Variants in SPATS2 observed in about 807,000 individuals in gnomAD.
The protein encoded by SPATS2 is spermatogenesis-associated serine-rich protein 2.
In SPATS2, 38 loss-of-function variants were observed where a neutral mutation model predicts 63.7. The ratio of observed to expected loss-of-function variants is 0.60; its 90% confidence interval spans 0.46 to 0.78. SPATS2 has a LOEUF of 0.78. Ranked by LOEUF, SPATS2 falls within the 30% of genes least tolerant of loss-of-function variation. The pLI is 0.00. For missense variants in SPATS2, 588 were observed against 666.2 expected (o/e 0.88, Z 1.29); for synonymous variants, 207 against 232.9 (o/e 0.89, Z 1.01).
chr12:49,424,277 T>C (rs1306748637), intron 2 of SPATS2, among the ~76,000 whole-genome samples: 1 of 152,148 alleles, frequency 6.6e-6, no homozygotes, highest in Non-Finnish European at 1.5e-5. Flanking sequence ...CTCAGACCTT[T>C]GTTCCTCAGC....
chr12:49,522,930 C>CTGATTCCTCA (rs1408260799), intron 12 of SPATS2, 77 bp downstream of exon 12: 16 of 1,241,356 alleles, frequency 1.3e-5, no homozygotes, highest in Non-Finnish European at 1.8e-5. Context: ...GTCTTCACCA[C>CTGATTCCTCA]TGATTCCTCA....
chr12:49,475,163 A>G (rs1032428247), intron 3 of SPATS2, among the ~76,000 whole-genome samples: 1 of 152,214 alleles, frequency 6.6e-6, no homozygotes, highest in African/African-American at 2.4e-5. Flanking sequence ...TTTACTTGCA[A>G]GAACATAAGA....
At chr12:49,412,315 C>G (rs1944811321) in intron 2 of SPATS2, among the ~76,000 whole-genome samples, 4 of 151,950 alleles carry the variant, frequency 2.6e-5, no homozygotes, top group Admixed American at 2.0e-4. Flanking sequence ...CTGCCTCAGC[C>G]TCCCGAGTAG....
At chr12:49,525,846 G>C (rs776277666) in intron 13 of SPATS2, 98 bp from the exon 14 acceptor site, 7 of 1,335,242 alleles carry the variant, frequency 5.2e-6, no homozygotes, top group African/African-American at 1.5e-5. Context: ...CCCAAGCATG[G>C]GATACCACAA....
At chr12:49,498,277 C>T (rs1334112578) in intron 8 of SPATS2, among the ~76,000 whole-genome samples, 1 of 151,332 alleles carries the variant, frequency 6.6e-6, no homozygotes, top group African/African-American at 2.4e-5. Flanking sequence ...GGCATAGTTA[C>T]AAACTTTTTA....
At chr12:49,482,153 A>G (rs1412926171) in intron 3 of SPATS2, among the ~76,000 whole-genome samples, 2 of 152,346 alleles carry the variant, frequency 1.3e-5, no homozygotes, top group Middle Eastern at 6.8e-3. Flanking sequence ...AAGATGTTAG[A>G]TTATTGCTTT....
intron 10 of SPATS2, among the ~76,000 whole-genome samples, chr12:49,518,322 C>G (rs528040301): frequency 2.7e-4 from 41 of 152,284 alleles, no homozygotes; most frequent in Non-Finnish European, 4.3e-4. Context: ...GCCCCTGTCT[C>G]TCTGGGAGAT....
intron 4 of SPATS2, among the ~76,000 whole-genome samples, chr12:49,485,520 C>T (rs1365075744): frequency 6.6e-6 from 1 of 151,772 alleles, no homozygotes; most frequent in African/African-American, 2.4e-5. Context: ...CATCATCACG[C>T]CCAGCTAATT....
chr12:49,379,899 A>G (rs1248882962), intron 2 of SPATS2, among the ~76,000 whole-genome samples: 1 of 152,114 alleles, frequency 6.6e-6, no homozygotes, highest in Non-Finnish European at 1.5e-5. Context: ...CTGGGATTAC[A>G]GGCATGAGCC....
At chr12:49,377,685 TA>T (rs1944132657) in intron 2 of SPATS2, among the ~76,000 whole-genome samples, 1 of 152,212 alleles carries the variant, frequency 6.6e-6, no homozygotes. Flanking sequence ...AGTATAGTTA[TA>T]ATATTTCTAT....
At chr12:49,414,902 G>A (rs560113248) in intron 2 of SPATS2, among the ~76,000 whole-genome samples, 2 of 151,040 alleles carry the variant, frequency 1.3e-5, no homozygotes, top group Non-Finnish European at 3.0e-5. Context: ...CCTAGCCCAG[G>A]GAGCATTTCT....
At chr12:49,442,988 G>A (rs1286753468) in intron 2 of SPATS2, among the ~76,000 whole-genome samples, 2 of 151,968 alleles carry the variant, frequency 1.3e-5, no homozygotes, top group East Asian at 3.9e-4. Flanking sequence ...TCTCACATAA[G>A]TGGAATCCTT....
intron 2 of SPATS2, among the ~76,000 whole-genome samples, chr12:49,447,702 A>G (rs1281815946): frequency 3.3e-5 from 5 of 152,146 alleles, no homozygotes; most frequent in Non-Finnish European, 7.4e-5. Flanking sequence ...CAATCTTAGT[A>G]ATGTAAGTTT....
At chr12:49,444,180 G>A (rs530204002) in intron 2 of SPATS2, among the ~76,000 whole-genome samples, 16 of 149,810 alleles carry the variant, frequency 1.1e-4, no homozygotes, top group Non-Finnish European at 1.9e-4. Context: ...TTGTACATCT[G>A]TTATTTTTAT....
intron 2 of SPATS2, among the ~76,000 whole-genome samples, chr12:49,415,906 A>G (rs1944880935): frequency 6.6e-6 from 1 of 152,168 alleles, no homozygotes; most frequent in African/African-American, 2.4e-5. Flanking sequence ...TCTTTACGAC[A>G]GCCTCCTTGA....
intron 11 of SPATS2, among the ~76,000 whole-genome samples, chr12:49,521,568 C>T (rs927691897): frequency 6.6e-6 from 1 of 152,134 alleles, no homozygotes; most frequent in Non-Finnish European, 1.5e-5. Context: ...TCATCTGTTC[C>T]TCTTCCCACG....
chr12:49,434,098 GA>G (rs1945232358), intron 2 of SPATS2, among the ~76,000 whole-genome samples: 1 of 151,990 alleles, frequency 6.6e-6, no homozygotes, highest in African/African-American at 2.4e-5. Flanking sequence ...TATATGTGAG[GA>G]TTTATTTCTG....
At chr12:49,518,993 T>C in intron 10 of SPATS2, 80 bp from the exon 11 acceptor site, 1 of 1,135,596 alleles carries the variant, frequency 8.8e-7, no homozygotes, top group South Asian at 1.6e-5. Flanking sequence ...ACCAAATACC[T>C]ACTGCAAGGC....
chr12:49,378,261 GTTTATTTTATTTTAT>G (rs199537085), intron 2 of SPATS2, among the ~76,000 whole-genome samples: 31 of 144,220 alleles, frequency 2.1e-4, no homozygotes, highest in Middle Eastern at 3.6e-3. Context: ...TTGAGTTAAT[GTTTATTTTATTTTAT>G]TTTATTTTAT....
Sources: gnomAD v4.1 joint callset for allele counts (sites outside exome capture counted in the v4.1 genomes callset) on GRCh38, gnomAD v4.1.1 for gene constraint, MANE v1.5 for transcripts, NCBI Gene and HGNC (gene_info 2026-07-23, HGNC 2026-07-21) for gene names.